Variants in ARHGAP28 observed in about 807,000 individuals in gnomAD.
ARHGAP28 encodes rho GTPase-activating protein 28.
In ARHGAP28, 56 loss-of-function variants were observed where a neutral mutation model predicts 90.7. That is an observed-to-expected ratio of 0.62 (90% confidence interval 0.50 to 0.77). The LOEUF is 0.77. Among genes scored for constraint, ARHGAP28 ranks in the 30% least tolerant of loss-of-function variants. The pLI is 0.00. For missense variants in ARHGAP28, 869 were observed against 900.9 expected, an observed-to-expected ratio of 0.96 and a Z score of 0.45; for synonymous variants, 308 against 323.3, an observed-to-expected ratio of 0.95 and a Z score of 0.51.
intron 1 of ARHGAP28, among the ~76,000 whole-genome samples, chr18:6,782,703 GC>G (rs2056335274): frequency 7.4e-6 from 1 of 135,570 alleles, no homozygotes; most frequent in Admixed American, 8.4e-5. Context: ...ACCCACCTCG[GC>G]CTCCCAAAGT....
At chr18:6,782,584 ATTTTTGTATTTT>A (rs1567945681) in intron 1 of ARHGAP28, among the ~76,000 whole-genome samples, 3 of 71,282 alleles carry the variant, frequency 4.2e-5, no homozygotes, top group African/African-American at 1.3e-4. Flanking sequence ...CGCCCAGCTA[ATTTTTGTATTTT>A]TTTTTTTTTT....
chr18:6,847,879 G>T (rs1179348190), intron 3 of ARHGAP28, among the ~76,000 whole-genome samples: 1 of 152,130 alleles, frequency 6.6e-6, no homozygotes, highest in Middle Eastern at 3.2e-3. Context: ...AGGGAAAGGT[G>T]CATGGAGCGA....
chr18:6,848,148 A>G (rs1296827510), intron 3 of ARHGAP28, among the ~76,000 whole-genome samples: 1 of 152,194 alleles, frequency 6.6e-6, no homozygotes, highest in Non-Finnish European at 1.5e-5. Context: ...TGAGCCAGTC[A>G]TAACATTGAG....
intron 4 of ARHGAP28, among the ~76,000 whole-genome samples, chr18:6,854,098 C>CG (rs201384929): frequency 1.2e-3 from 188 of 151,808 alleles, no homozygotes; most frequent in African/African-American, 3.8e-3. Context: ...AGATTGGTCT[C>CG]GGGGGGGTTA....
intron 16 of ARHGAP28, among the ~76,000 whole-genome samples, chr18:6,902,987 A>G (rs566430822): frequency 1.3e-5 from 2 of 152,350 alleles, no homozygotes; most frequent in South Asian, 4.1e-4. Flanking sequence ...AGCCATAAAA[A>G]GGAAAGAAAT....
rs73384515 is a variant in ARHGAP28, at chr18:6,836,824, C to T, written c.326-373C>T. The stretch of plus-strand genomic sequence containing the variant: ...ATGGTGGCCCTGGCATTTGAACCTC[C>T]ATGTGAGTGATTGAAAAACCAATTT... On this transcript the variant is annotated intron_variant, in intron 2 of 17. Coordinates refer to ENST00000383472, the MANE Select transcript of ARHGAP28 (RefSeq NM_001366230.1). 4.6e-3 allele frequency among the ~76,000 whole-genome samples: 694 copies of T among 152,268 alleles called. 4 individuals carry two copies. The highest frequency in any genetic ancestry group is 0.016 in the African/African-American group (675 of 41,548).
chr18:6,831,584 T>G (rs1401868515), intron 2 of ARHGAP28, among the ~76,000 whole-genome samples: 1 of 151,784 alleles, frequency 6.6e-6, no homozygotes, highest in Non-Finnish European at 1.5e-5. Flanking sequence ...GGTTGTATCT[T>G]GATGTTATAT....
chr18:6,741,900 C>T (rs2055980864), intron 1 of ARHGAP28, among the ~76,000 whole-genome samples: 1 of 152,052 alleles, frequency 6.6e-6, no homozygotes. Flanking sequence ...TATTCTTTTC[C>T]AGGATCCCCC....
intron 12 of ARHGAP28, among the ~76,000 whole-genome samples, chr18:6,888,364 G>A (rs1351747076): frequency 1.9e-5 from 2 of 106,132 alleles, no homozygotes; most frequent in Non-Finnish European, 4.3e-5. Context: ...GAAAAGAGAT[G>A]GTAATTTTGA....
chr18:6,834,253 G>T (rs1173843405), intron 2 of ARHGAP28, among the ~76,000 whole-genome samples: 2 of 152,016 alleles, frequency 1.3e-5, no homozygotes, highest in African/African-American at 4.8e-5. Context: ...ATATTTGGAG[G>T]AGAAAATTAC....
At chr18:6,797,925 G>C (rs752696999) in intron 1 of ARHGAP28, among the ~76,000 whole-genome samples, 2 of 152,136 alleles carry the variant, frequency 1.3e-5, no homozygotes, top group African/African-American at 2.4e-5. Context: ...TTCCCAAAGT[G>C]CTGGGATTAC....
At chr18:6,835,829 G>A (rs1254653149) in intron 2 of ARHGAP28, among the ~76,000 whole-genome samples, 1 of 152,126 alleles carries the variant, frequency 6.6e-6, no homozygotes, top group Admixed American at 6.5e-5. Flanking sequence ...CTTTCTTCCA[G>A]ATTCTTTGCT....
At chr18:6,859,614 T>C (rs577145347) in intron 4 of ARHGAP28, among the ~76,000 whole-genome samples, 194 bp from the exon 5 acceptor site, 1 of 152,302 alleles carries the variant, frequency 6.6e-6, no homozygotes, top group African/African-American at 2.4e-5. Flanking sequence ...CAGAGGCCAG[T>C]GTCCTTAGAG....
At chr18:6,776,761 G>T (rs1464370737) in intron 1 of ARHGAP28, among the ~76,000 whole-genome samples, 1 of 152,174 alleles carries the variant, frequency 6.6e-6, no homozygotes. Context: ...CTTTCAGTCG[G>T]TGGTAGATCG....
intron 1 of ARHGAP28, among the ~76,000 whole-genome samples, chr18:6,777,726 A>ATGAATGAATGAATGAATGAATGAG (rs1187175490): frequency 6.8e-6 from 1 of 146,272 alleles, no homozygotes; most frequent in African/African-American, 2.6e-5. Context: ...CCCTGTCTCA[A>ATGAATGAATGAATGAATGAATGAG]TGAATGAATG....
intron 10 of ARHGAP28, among the ~76,000 whole-genome samples, chr18:6,878,275 C>A (rs35480718): frequency 2.0e-3 from 288 of 141,328 alleles, no homozygotes; most frequent in Non-Finnish European, 3.4e-3. Flanking sequence ...TGTTCTCACT[C>A]ATAGATGGAA....
intron 2 of ARHGAP28, among the ~76,000 whole-genome samples, chr18:6,834,099 A>G (rs2056734857): frequency 6.6e-6 from 1 of 152,098 alleles, no homozygotes; most frequent in Non-Finnish European, 1.5e-5. Flanking sequence ...CTCCCTTTAG[A>G]GCAGGATAAG....
At chr18:6,732,886 T>G (rs1600135777) in intron 1 of ARHGAP28, among the ~76,000 whole-genome samples, 1 of 152,100 alleles carries the variant, frequency 6.6e-6, no homozygotes, top group African/African-American at 2.4e-5. Context: ...TAATCAGGTG[T>G]TGTTGCTGTA....
intron 10 of ARHGAP28, among the ~76,000 whole-genome samples, chr18:6,877,376 A>C (rs28555971): frequency 0.016 from 2,391 of 152,316 alleles, 58 homozygotes; most frequent in African/African-American, 0.055. Context: ...AGGTCAGACA[A>C]TTCCTAACCA....
Sources: allele counts gnomAD v4.1 joint callset (sites outside exome capture counted in the v4.1 genomes callset), GRCh38; gene constraint gnomAD v4.1.1; transcripts MANE v1.5; gene names NCBI Gene and HGNC (gene_info 2026-07-23, HGNC 2026-07-21).